RFX2: variants seen among roughly 807,000 people sequenced by gnomAD.
RFX2 encodes regulatory factor X2, also known as DNA-binding protein RFX2.
A neutral mutation model predicts 87.8 loss-of-function variants in RFX2; 20 were observed. The observed-to-expected ratio is 0.23, with a 90% confidence interval of 0.16 to 0.33. The LOEUF (loss-of-function observed/expected upper bound fraction) is 0.33, where lower values mean the gene tolerates loss of function less well. Among genes scored for constraint, RFX2 ranks in the 10% least tolerant of loss-of-function variants. RFX2 has a pLI of 1.00. For missense variants in RFX2, 767 were observed against 1,012.3 expected, an observed-to-expected ratio of 0.76 and a Z score of 3.29; for synonymous variants, 397 against 431.3, an observed-to-expected ratio of 0.92 and a Z score of 0.98.
chr19:6,070,853 GC>G (rs2144833106), intron 1 of RFX2, among the ~76,000 whole-genome samples: 1 of 152,304 alleles, frequency 6.6e-6, no homozygotes, highest in East Asian at 1.9e-4. Context: ...GACTACAGGT[GC>G]ACACCACCAC....
chr19:6,093,484 G>A (rs1214756474), intron 1 of RFX2, among the ~76,000 whole-genome samples: 4 of 152,104 alleles, frequency 2.6e-5, no homozygotes, highest in South Asian at 4.1e-4. Context: ...GCAGTGAGCC[G>A]GGATTGTGCC....
At chr19:6,069,988 G>T (rs899633944) in intron 1 of RFX2, among the ~76,000 whole-genome samples, 1 of 146,316 alleles carries the variant, frequency 6.8e-6, no homozygotes, top group Non-Finnish European at 1.5e-5. Context: ...TTCTTTCATG[G>T]ATGGGATGGG....
chr19:6,020,996 CT>C lies in RFX2; in HGVS notation c.598-4726del, dbSNP rs889363624. On this transcript the variant is annotated intron_variant, in intron 6 of 17. Transcript: ENST00000303657. The surrounding 1 kb of genome is among the most constrained non-coding windows in gnomAD (Gnocchi z 5.3). ...CAACAAAGGCCTGTGGTTCTGGGCT[CT>C]TTGCAGGCACAGCCCCTGTGGACAG... Among the ~76,000 whole-genome samples, 1 of 152,180 alleles carries C rather than the reference CT, an allele frequency of 6.6e-6. No homozygotes were observed. Among genetic ancestry groups the C allele is most frequent in the African/African-American group, 2.4e-5 (1 of 41,448 alleles).
chr19:6,097,950 A>C (rs575575465), intron 1 of RFX2, among the ~76,000 whole-genome samples: 183 of 152,226 alleles, frequency 1.2e-3, no homozygotes, highest in African/African-American at 4.3e-3. Context: ...GCTACTCCTT[A>C]CTGAGGGCTG....
intron 1 of RFX2, among the ~76,000 whole-genome samples, chr19:6,086,609 A>G (rs1176140280): frequency 6.6e-6 from 1 of 152,266 alleles, no homozygotes; most frequent in Non-Finnish European, 1.5e-5. Context: ...AAAGTTAAGT[A>G]ATAACACACA....
chr19:5,997,078 C>T lies in RFX2; in HGVS notation c.1995G>A (p.Pro665=), dbSNP rs1220097022. The T allele has an allele frequency of 1.6e-5, 26 of 1,611,906 alleles. No individual in the cohort carries two copies. The highest frequency in any genetic ancestry group is 1.6e-4 in the Middle Eastern group (1 of 6,084). The change falls in exon 16 of 18, where the codon CCG becomes CCA. Residue 665 remains proline, a synonymous_variant. Transcript: ENST00000303657. The surrounding 1 kb of genome is among the most constrained non-coding windows in gnomAD (Gnocchi z 4.2). ...HRVAEATGET[P]IAVMGEFNDL... is the part of the protein sequence containing the mutation. Reference sequence around the variant, plus strand: ...TCCTCACCTCTCCCATCACAGCGATCGGCGTCTCTCCGGTGGCCTCCGCGA... The same window carrying T: ...TCCTCACCTCTCCCATCACAGCGATTGGCGTCTCTCCGGTGGCCTCCGCGA...
chr19:6,102,578 C>G (rs2088144123), intron 1 of RFX2, among the ~76,000 whole-genome samples: 1 of 152,220 alleles, frequency 6.6e-6, no homozygotes, highest in Non-Finnish European at 1.5e-5. Context: ...GCAGGTTGCC[C>G]CTGCCTCTTC....
Position 6,040,859 on chromosome 19 carries a change from G to A in RFX2, c.261-618C>T, listed in dbSNP as rs1053546777. Among the ~76,000 whole-genome samples the A allele has an allele frequency of 6.6e-6, 1 of 152,110 alleles. No individual in the cohort carries two copies. Among genetic ancestry groups the A allele is most frequent in the African/African-American group, 2.4e-5 (1 of 41,418 alleles). ...AGATGGAGCAGTTCTGTATCTTGAT[G>A]GTGGTATTGTTACACAAATCTACAC... is the stretch of plus-strand genomic sequence containing the variant. On this transcript the variant is annotated intron_variant, in intron 4 of 17. Transcript: ENST00000303657. This position sits in a 1 kb window ranked among gnomAD's most constrained non-coding sequence, Gnocchi z 6.1.
chr19:6,035,752 C>T (rs985043725), intron 5 of RFX2, among the ~76,000 whole-genome samples: 1 of 151,876 alleles, frequency 6.6e-6, no homozygotes, highest in African/African-American at 2.4e-5. Flanking sequence ...GTTGGATGTT[C>T]TTATGCCAAC....
At position 6,064,776 on chromosome 19, in the gene RFX2, C is replaced by A. The variant is rs979552755; in HGVS notation, c.-8-17272G>T. Among the ~76,000 whole-genome samples, 1 of 152,200 alleles carries A rather than the reference C, an allele frequency of 6.6e-6. No individual in the cohort carries two copies. Among genetic ancestry groups the A allele is most frequent in the Non-Finnish European group, 1.5e-5 (1 of 68,022 alleles). On this transcript the variant is annotated intron_variant, in intron 1 of 17. Coordinates refer to ENST00000303657, the MANE Select transcript of RFX2 (RefSeq NM_000635.4). This position sits in a 1 kb window ranked among gnomAD's most constrained non-coding sequence, Gnocchi z 4.8. ...GAGGAGGCTGGCTTTCTGGATCCCACCAACATCACATAGGGGACCTTTTCA... is the reference window on the plus strand; with the variant it reads ...GAGGAGGCTGGCTTTCTGGATCCCAACAACATCACATAGGGGACCTTTTCA...
At chr19:6,062,559 C>T (rs2087451320) in intron 1 of RFX2, among the ~76,000 whole-genome samples, 1 of 152,234 alleles carries the variant, frequency 6.6e-6, no homozygotes, top group East Asian at 1.9e-4. Context: ...GAGCTTCCGT[C>T]TCTTTTCTGT....
rs1210110379 is a variant in RFX2 at position 6,036,654 on chromosome 19, TA to T, written c.522+3325del. Among the ~76,000 whole-genome samples the T allele has an allele frequency of 3.3e-5, 5 of 152,320 alleles. No individual in the cohort carries two copies. The East Asian group carries it at 9.6e-4, about 29-fold the overall frequency. On this transcript the variant is annotated intron_variant, in intron 5 of 17. Coordinates refer to ENST00000303657, the MANE Select transcript of RFX2 (RefSeq NM_000635.4). ...AGACAAAAATATGCTGATGCTTACA[TA>T]TGTAAAAAAACGTTTGACAGAATTC...
At chr19:6,085,612 G>A (rs866257093) in intron 1 of RFX2, among the ~76,000 whole-genome samples, 5 of 152,188 alleles carry the variant, frequency 3.3e-5, no homozygotes, top group Middle Eastern at 6.8e-3. Flanking sequence ...AGTTTTGAAC[G>A]CTGATGGCCT....
At position 6,063,639 on chromosome 19, in the gene RFX2, C is replaced by T. The variant is rs754095967; in HGVS notation, c.-8-16135G>A. Among the ~76,000 whole-genome samples, 18 of 152,196 alleles carry T rather than the reference C, an allele frequency of 1.2e-4. No individual in the cohort carries two copies. The highest frequency in any genetic ancestry group is 2.6e-4 in the Admixed American group (4 of 15,278). ...AGCAGCCAGCAGCTCCAAAGGGGAT[C>T]CCAGGCAAGTGATGAGCAGTGGGGA... On this transcript the variant is annotated intron_variant, in intron 1 of 17. Transcript: ENST00000303657. This position sits in a 1 kb window ranked among gnomAD's most constrained non-coding sequence, Gnocchi z 4.0.
In RFX2 at chr19:6,063,722, G is replaced by A. The variant is rs146755124; in HGVS notation, c.-8-16218C>T. On this transcript the variant is annotated intron_variant, in intron 1 of 17. Transcript: ENST00000303657. The surrounding 1 kb of genome is among the most constrained non-coding windows in gnomAD (Gnocchi z 4.0). ...CAGGCTTTCCTGACCTCAGCAATGC[G>A]GATATGAGGGGCAGGAATACACTCT... is the stretch of plus-strand genomic sequence containing the variant. 1.8e-4 allele frequency among the ~76,000 whole-genome samples: 27 copies of A among 152,288 alleles called. No individual in the cohort carries two copies. Among genetic ancestry groups the A allele is most frequent in the Non-Finnish European group, 3.5e-4 (24 of 68,016 alleles).
rs142434735 is a variant in RFX2 at position 6,044,682 on chromosome 19, AG to A, written c.91-401del. On this transcript the variant is annotated intron_variant, in intron 2 of 17. Transcript: ENST00000303657. The surrounding 1 kb of genome is among the most constrained non-coding windows in gnomAD (Gnocchi z 5.3). ...GTGACACTGATCGTCCCTAGTACAG[AG>A]GGGACTGCTGGGGCCCTCTGGATAG... Among the ~76,000 whole-genome samples, 9,399 of 152,264 alleles carry A rather than the reference AG, an allele frequency of 0.062. 410 individuals are homozygous for A. The highest frequency in any genetic ancestry group is 0.17 in the East Asian group (852 of 5,160).
intron 16 of RFX2, among the ~76,000 whole-genome samples, chr19:5,996,149 G>A (rs2086403599): frequency 1.6e-5 from 2 of 128,444 alleles, no homozygotes. Context: ...CAGGGACCCC[G>A]CCATTCATCA....
At chr19:5,995,517 A>C in intron 17 of RFX2, 84 bp downstream of exon 17, 1 of 1,362,260 alleles carries the variant, frequency 7.3e-7, no homozygotes, top group Non-Finnish European at 1.0e-6. Context: ...CCACCTGTTC[A>C]TCATGAGATG....
At chr19:6,057,238 G>C (rs1253939312) in intron 1 of RFX2, 3 of 152,196 alleles carry the variant, frequency 2.0e-5, no homozygotes, top group African/African-American at 7.2e-5. Context: ...TCATGTGAGG[G>C]GGCACAGGAG....
Sources: allele counts gnomAD v4.1 joint callset (sites outside exome capture counted in the v4.1 genomes callset), GRCh38; gene constraint gnomAD v4.1.1; non-coding constraint Gnocchi (gnomAD v3.1); transcripts MANE v1.5; gene names NCBI Gene and HGNC (gene_info 2026-07-23, HGNC 2026-07-21).